CLTCL1: variants seen among roughly 807,000 people sequenced by gnomAD.
CLTCL1 encodes the protein clathrin heavy chain like 1.
Under a neutral mutation model 190.0 loss-of-function variants are expected in CLTCL1, and 159 were observed. The ratio of observed to expected loss-of-function variants is 0.84; its 90% confidence interval spans 0.74 to 0.95. The LOEUF is 0.95. CLTCL1 is among the 40% of genes least tolerant of loss of function. The pLI, the probability that CLTCL1 is intolerant of heterozygous loss-of-function variation, is 0.00. For missense variants in CLTCL1, 1,878 were observed against 2,033.4 expected (o/e 0.92, Z 1.47); for synonymous variants, 752 against 769.6 (o/e 0.98, Z 0.38).
At chr22:19,233,390 C>A in intron 8 of CLTCL1, 32 bp downstream of exon 8, 1 of 1,612,528 alleles carries the variant, frequency 6.2e-7, no homozygotes, top group African/African-American at 1.3e-5. Context: ...TCAAGCTGTG[C>A]GGGGGGGCTA....
At chr22:19,191,945 G>T (rs529495224) in intron 26 of CLTCL1, among the ~76,000 whole-genome samples, 7 of 152,170 alleles carry the variant, frequency 4.6e-5, no homozygotes, top group South Asian at 2.1e-4. Flanking sequence ...GCAGAGAGTG[G>T]ACCACTCTGG....
intron 1 of CLTCL1, among the ~76,000 whole-genome samples, chr22:19,280,038 G>C (rs1446503651): frequency 6.6e-6 from 1 of 152,136 alleles, no homozygotes; most frequent in South Asian, 2.1e-4. Context: ...GTCATATACA[G>C]GGACTGTTTT....
chr22:19,225,394 A>G (rs1035910320), intron 13 of CLTCL1, 59 bp downstream of exon 13: 25 of 1,478,154 alleles, frequency 1.7e-5, no homozygotes, highest in Non-Finnish European at 2.2e-5. Context: ...GTAGGCAGCA[A>G]CACCTGAGAA....
chr22:19,212,075 A>T (rs1339393493), intron 19 of CLTCL1, among the ~76,000 whole-genome samples: 9 of 152,160 alleles, frequency 5.9e-5, no homozygotes, highest in African/African-American at 2.2e-4. Flanking sequence ...GAAATCAAAG[A>T]TCTAAATAAA....
Position 19,209,120 on chromosome 22 carries a change from G to T in CLTCL1, c.3250-6C>A, listed in dbSNP as rs2085141811. 6.3e-7 allele frequency: 1 copy of T among 1,579,634 alleles called. No homozygotes were observed. Among genetic ancestry groups the T allele is most frequent in the Admixed American group, 1.8e-5 (1 of 55,518 alleles). On this transcript the variant is annotated splice_region_variant and splice_polypyrimidine_tract_variant and intron_variant, in intron 20 of 32. Coordinates refer to ENST00000427926, the MANE Select transcript of CLTCL1 (RefSeq NM_007098.4). ...CCAATGTGCTCGATCAGGACCTAGG[G>T]GTTATGAGAGGACTTCCATTCTCTG...
intron 18 of CLTCL1, 55 bp downstream of exon 18, chr22:19,219,827 CAAT>C: frequency 3.1e-6 from 5 of 1,603,818 alleles, no homozygotes; most frequent in South Asian, 1.1e-5. Flanking sequence ...ACTTGAGCCA[CAAT>C]GATGATCGGA....
rs2085948022 is a variant in CLTCL1 at position 19,232,527 on chromosome 22, C to T, written c.1593G>A (p.Gln531=). The T allele has an allele frequency of 1.9e-6, 3 of 1,614,014 alleles. No individual in the cohort carries two copies. The East Asian group carries it at 6.7e-5, about 36-fold the overall frequency. The change falls in exon 10 of 33, where the codon CAG becomes CAA. Residue 531 remains glutamine (Q), a synonymous_variant. Coordinates refer to ENST00000427926, the MANE Select transcript of CLTCL1 (RefSeq NM_007098.4). ...VMKISPEQGL[Q]FSRMLVQDEE... is the part of the protein sequence containing the mutation. ...CGTCCTGCACTAGCATTCGAGAAAA[C>T]TGCAGGCCCTGTTCCGGACTGATCT...
chr22:19,276,176 G>A (rs1413642821), intron 1 of CLTCL1, among the ~76,000 whole-genome samples: 2 of 152,276 alleles, frequency 1.3e-5, no homozygotes, highest in African/African-American at 2.4e-5. Context: ...GCCCACCACC[G>A]AGGAGAGCTT....
At chr22:19,237,740 A>G (rs1569209298) in intron 5 of CLTCL1, among the ~76,000 whole-genome samples, 1 of 152,222 alleles carries the variant, frequency 6.6e-6, no homozygotes, top group East Asian at 1.9e-4. Flanking sequence ...GATCTACAAC[A>G]TAGCTAGAGG....
At chr22:19,275,338 T>C (rs1253998875) in intron 2 of CLTCL1, among the ~76,000 whole-genome samples, 6 of 151,818 alleles carry the variant, frequency 4.0e-5, no homozygotes, top group East Asian at 1.9e-4. Flanking sequence ...CTGGGAAACA[T>C]GCACAGTGCT....
intron 2 of CLTCL1, among the ~76,000 whole-genome samples, chr22:19,255,891 C>T (rs1362124976): frequency 4.4e-5 from 6 of 137,204 alleles, no homozygotes; most frequent in Admixed American, 7.9e-5. Flanking sequence ...GCCTGACCGA[C>T]AGAGTAAGAC....
chr22:19,212,567 GAGAAAGAA>G (rs200224103), intron 19 of CLTCL1, among the ~76,000 whole-genome samples: 4 of 141,610 alleles, frequency 2.8e-5, no homozygotes, highest in African/African-American at 8.0e-5. Flanking sequence ...TTGAAAGAAA[GAGAAAGAA>G]AGAAAGAAAG....
At chr22:19,256,915 A>G (rs2086780176) in intron 2 of CLTCL1, among the ~76,000 whole-genome samples, 1 of 152,210 alleles carries the variant, frequency 6.6e-6, no homozygotes, top group African/African-American at 2.4e-5. Context: ...AAGACTTACA[A>G]TACCTAATGT....
intron 19 of CLTCL1, among the ~76,000 whole-genome samples, chr22:19,211,119 A>C (rs1459900052): frequency 5.3e-5 from 8 of 152,232 alleles, no homozygotes; most frequent in Non-Finnish European, 1.2e-4. Flanking sequence ...TGTGGAAAAA[A>C]AATCAGTGTA....
At chr22:19,200,998 T>C (rs536544627) in intron 23 of CLTCL1, among the ~76,000 whole-genome samples, 2 of 152,348 alleles carry the variant, frequency 1.3e-5, no homozygotes, top group South Asian at 4.1e-4. Flanking sequence ...TCCAGACAAT[T>C]TACCAATTTG....
At chr22:19,264,894 T>C (rs1555977204) in intron 2 of CLTCL1, among the ~76,000 whole-genome samples, 1 of 152,140 alleles carries the variant, frequency 6.6e-6, no homozygotes, top group African/African-American at 2.4e-5. Context: ...ATTCAAGTGA[T>C]TGTCCTCCTT....
chr22:19,211,175 T>G (rs1555946520), intron 19 of CLTCL1, among the ~76,000 whole-genome samples: 1 of 152,190 alleles, frequency 6.6e-6, no homozygotes, highest in Non-Finnish European at 1.5e-5. Context: ...TACATCTTTA[T>G]CAAATGATCA....
At chr22:19,265,400 T>C (rs953313841) in intron 2 of CLTCL1, among the ~76,000 whole-genome samples, 3 of 152,180 alleles carry the variant, frequency 2.0e-5, no homozygotes. Flanking sequence ...GATAAATATG[T>C]TGGTTAGTAT....
chr22:19,273,066 T>C (rs1235539327), intron 2 of CLTCL1, among the ~76,000 whole-genome samples: 1 of 152,162 alleles, frequency 6.6e-6, no homozygotes, highest in African/African-American at 2.4e-5. Flanking sequence ...ACACCCTGTA[T>C]TTCTGCACTG....
Sources: allele counts gnomAD v4.1 joint callset (sites outside exome capture counted in the v4.1 genomes callset), GRCh38; gene constraint gnomAD v4.1.1; transcripts MANE v1.5; gene names NCBI Gene and HGNC (gene_info 2026-07-23, HGNC 2026-07-21).